The following RBFOX1 variants were observed in gnomAD, a reference collection of about 807,000 sequenced individuals.
RBFOX1 encodes RNA binding fox-1 homolog 1, also known as RNA binding protein fox-1 homolog 1.
RBFOX1 carries 8 observed loss-of-function variants against 57.7 expected under a neutral mutation model. The observed-to-expected ratio is 0.14, with a 90% confidence interval of 0.08 to 0.25. The LOEUF (loss-of-function observed/expected upper bound fraction) is 0.25, where lower values mean the gene tolerates loss of function less well. Among genes scored for constraint, RBFOX1 ranks in the 10% least tolerant of loss-of-function variants. The pLI is 1.00. For synonymous variants in RBFOX1, 326 were observed against 222.4 expected, an observed-to-expected ratio of 1.47 and a Z score of -4.15; for missense variants, 611 against 548.5, an observed-to-expected ratio of 1.11 and a Z score of -1.14.
At chr16:5,424,432 C>G (rs997835565) in intron 1 of RBFOX1, among the ~76,000 whole-genome samples, 1 of 151,968 alleles carries the variant, frequency 6.6e-6, no homozygotes. Flanking sequence ...CACCGTTAGT[C>G]TGTAAAATGG....
intron 2 of RBFOX1, among the ~76,000 whole-genome samples, chr16:5,512,062 C>T (rs529350761): frequency 1.3e-5 from 2 of 152,312 alleles, no homozygotes; most frequent in African/African-American, 4.8e-5. Flanking sequence ...AAGATGGATG[C>T]ACACGGTGGC....
chr16:7,361,108 C>T (rs1471298180), intron 4 of RBFOX1, among the ~76,000 whole-genome samples: 1 of 152,152 alleles, frequency 6.6e-6, no homozygotes, highest in Non-Finnish European at 1.5e-5. Flanking sequence ...AGACCACAAG[C>T]CCAGGGACAG....
intron 1 of RBFOX1, among the ~76,000 whole-genome samples, chr16:6,226,376 A>AC (rs1433411977): frequency 6.7e-6 from 1 of 149,288 alleles, no homozygotes; most frequent in African/African-American, 2.5e-5. Context: ...TCTGTCTCCA[A>AC]AAAAAAAAAA....
Position 6,883,516 on chromosome 16 carries a change from T to A in RBFOX1, c.-15-168541T>A, listed in dbSNP as rs373050272. On this transcript the variant is annotated intron_variant, in intron 3 of 15. Transcript: ENST00000550418. The stretch of plus-strand genomic sequence containing the variant: ...GCAAGAATATTTACTTATAACTTGT[T>A]GTGTAAAGGGATCTTCCTAAACGGC... Among the ~76,000 whole-genome samples the A allele has an allele frequency of 6.6e-5, 10 of 152,350 alleles. 2 individuals carry two copies. Among genetic ancestry groups the A allele is most frequent in the East Asian group, 1.9e-4 (1 of 5,178 alleles).
intron 1 of RBFOX1, among the ~76,000 whole-genome samples, chr16:6,254,892 C>T (rs1455006227): frequency 6.6e-6 from 1 of 151,882 alleles, no homozygotes; most frequent in Non-Finnish European, 1.5e-5. Context: ...CTTGGCTTTC[C>T]CCCCATGCCC....
At chr16:5,908,204 A>ACATATATATACATATATATG (rs1555443861) in intron 4 of RBFOX1, among the ~76,000 whole-genome samples, 54 of 120,260 alleles carry the variant, frequency 4.5e-4, no homozygotes, top group African/African-American at 7.8e-4. Context: ...ATACATATAC[A>ACATATATATACATATATATG]CACATATATA....
intron 4 of RBFOX1, among the ~76,000 whole-genome samples, chr16:7,517,174 TG>T (rs2076549835): frequency 6.6e-6 from 1 of 150,892 alleles, no homozygotes; most frequent in African/African-American, 2.4e-5. Flanking sequence ...TGTGTGTGTG[TG>T]TGTGTGTGTG....
chr16:5,793,964 A>T (rs1381459514), intron 3 of RBFOX1, among the ~76,000 whole-genome samples: 2 of 152,186 alleles, frequency 1.3e-5, no homozygotes, highest in Non-Finnish European at 2.9e-5. Context: ...GAGAGTTAAT[A>T]TGTAAAATCA....
At chr16:6,969,089 CCTT>C (rs779575768) in intron 3 of RBFOX1, among the ~76,000 whole-genome samples, 5 of 152,070 alleles carry the variant, frequency 3.3e-5, no homozygotes, top group East Asian at 1.9e-4. Context: ...ACAGGAGAGA[CCTT>C]CTCCTAATGC....
At chr16:5,663,611 C>G (rs892823168) in intron 3 of RBFOX1, among the ~76,000 whole-genome samples, 2 of 152,168 alleles carry the variant, frequency 1.3e-5, no homozygotes, top group African/African-American at 2.4e-5. Context: ...TCATTCAAAG[C>G]TGGTTTATGT....
chr16:7,302,447 T>G (rs1203660787), intron 4 of RBFOX1, among the ~76,000 whole-genome samples: 1 of 152,078 alleles, frequency 6.6e-6, no homozygotes, highest in African/African-American at 2.4e-5. Flanking sequence ...GAGGGGATAT[T>G]TGGGATGTCC....
At chr16:7,496,872 A>C (rs1199052524) in intron 4 of RBFOX1, among the ~76,000 whole-genome samples, 2 of 152,176 alleles carry the variant, frequency 1.3e-5, no homozygotes, top group South Asian at 4.1e-4. Context: ...TGCACTAGAC[A>C]CAGAATGGAC....
chr16:6,655,553 A>T (rs1441175645), intron 3 of RBFOX1, among the ~76,000 whole-genome samples: 1 of 152,098 alleles, frequency 6.6e-6, no homozygotes, highest in Non-Finnish European at 1.5e-5. Context: ...ACTTAATGTG[A>T]ATCCCCTCAG....
intron 4 of RBFOX1, among the ~76,000 whole-genome samples, chr16:5,895,275 T>G (rs529660976): frequency 1.3e-5 from 2 of 152,326 alleles, no homozygotes; most frequent in South Asian, 4.1e-4. Context: ...CAGATGCCTG[T>G]CTTTCTAACT....
intron 3 of RBFOX1, among the ~76,000 whole-genome samples, chr16:5,748,222 G>A (rs1252813542): frequency 6.6e-6 from 1 of 152,030 alleles, no homozygotes; most frequent in Non-Finnish European, 1.5e-5. Context: ...TAGTTTGATT[G>A]CACTGTGGTC....
intron 2 of RBFOX1, among the ~76,000 whole-genome samples, chr16:5,581,710 G>A (rs1451028294): frequency 6.6e-6 from 1 of 152,200 alleles, no homozygotes; most frequent in East Asian, 1.9e-4. Context: ...GTGACAGACA[G>A]CTGATGCAAG....
intron 3 of RBFOX1, among the ~76,000 whole-genome samples, chr16:6,671,044 A>G (rs563544086): frequency 7.9e-5 from 12 of 152,322 alleles, no homozygotes; most frequent in African/African-American, 1.2e-4. Context: ...GTATGTTGCA[A>G]TTTGGTAGAA....
chr16:7,289,828 A>T (rs1239181503), intron 4 of RBFOX1, among the ~76,000 whole-genome samples: 1 of 152,138 alleles, frequency 6.6e-6, no homozygotes, highest in Non-Finnish European at 1.5e-5. Flanking sequence ...AGGATCCAAG[A>T]CTCAGGAAGT....
chr16:6,915,118 C>A (rs1037266471), intron 3 of RBFOX1, among the ~76,000 whole-genome samples: 4 of 152,176 alleles, frequency 2.6e-5, no homozygotes, highest in Non-Finnish European at 5.9e-5. Context: ...GGTCCTCCAG[C>A]TAATCAGTGG....
Sources: allele counts gnomAD v4.1 joint callset (sites outside exome capture counted in the v4.1 genomes callset), GRCh38; gene constraint gnomAD v4.1.1; transcripts MANE v1.5; gene names NCBI Gene and HGNC (gene_info 2026-07-23, HGNC 2026-07-21).